The following PABPC1L variants were observed in gnomAD, a reference collection of about 807,000 sequenced individuals.
The protein encoded by PABPC1L is polyadenylate-binding protein 1-like.
Under a neutral mutation model 66.6 loss-of-function variants are expected in PABPC1L, and 31 were observed. The observed-to-expected ratio is 0.47, with a 90% CI of 0.35 to 0.63. PABPC1L has a LOEUF of 0.63. Among genes scored for constraint, PABPC1L ranks in the 20% least tolerant of loss-of-function variants. The probability of loss-of-function intolerance (pLI) is 0.00; values close to 1 mark genes in which losing one functional copy is unlikely to be tolerated. For synonymous variants in PABPC1L, 348 were observed against 335.1 expected (o/e 1.04, Z -0.42); for missense variants, 722 against 848.8 (o/e 0.85, Z 1.86).
At chr20:44,935,602 T>A in intron 11 of PABPC1L, 105 bp downstream of exon 11, 1 of 873,226 alleles carries the variant, frequency 1.1e-6, no homozygotes, top group Non-Finnish European at 1.8e-6. Flanking sequence ...TCTTGGCTTG[T>A]AAAGTTTCGT....
chr20:44,912,997 G>A (rs902322036), intron 2 of PABPC1L, 144 bp downstream of exon 2: 6 of 677,026 alleles, frequency 8.9e-6, no homozygotes, highest in East Asian at 5.5e-5. Flanking sequence ...AATGACAGCC[G>A]TTCTTTCAGT....
At chr20:44,933,019 A>G (rs12031) in intron 9 of PABPC1L, 38 bp from the exon 10 acceptor site, 130,788 of 1,427,512 alleles carry the variant, frequency 0.092, 6,460 homozygotes, top group East Asian at 0.14. Flanking sequence ...CCACCACTCC[A>G]TCCAACTTTT....
chr20:44,910,416 T>A, intron 1 of PABPC1L, 80 bp downstream of exon 1: 1 of 1,390,696 alleles, frequency 7.2e-7, no homozygotes, highest in Non-Finnish European at 9.4e-7. Flanking sequence ...CTGGGCCGCT[T>A]GCGCTTTCAT....
intron 10 of PABPC1L, among the ~76,000 whole-genome samples, chr20:44,933,872 C>T (rs1372241398): frequency 6.7e-6 from 1 of 150,322 alleles, no homozygotes; most frequent in Non-Finnish European, 1.5e-5. Flanking sequence ...CTGCCTCAGC[C>T]TCCTGAGTAG....
Position 44,932,287 on chromosome 20 carries a change from T to C in PABPC1L, c.1240-55T>C, listed in dbSNP as rs533943420. ...CATGGTGTCCCTGAGGAGGTGTAGC[T>C]TCTCACCTACCCTGCCGCCAAGCCC... On this transcript the variant is annotated intron_variant, in intron 8 of 14. Transcript: ENST00000217073. 1.9e-5 allele frequency: 28 copies of C among 1,451,492 alleles called. No homozygotes were observed. The South Asian group carries it at 2.6e-4, about 14-fold the overall frequency. The allele number at this position is 1,451,492 out of a possible 1,614,324, so 89.9% of individuals were successfully genotyped here.
At chr20:44,913,823 A>G (rs2066720661) in intron 2 of PABPC1L, among the ~76,000 whole-genome samples, 1 of 152,230 alleles carries the variant, frequency 6.6e-6, no homozygotes, top group African/African-American at 2.4e-5. Flanking sequence ...TGGGGCCATC[A>G]AGGCAATTAA....
At position 44,918,864 on chromosome 20, in the gene PABPC1L, G is replaced by C. The variant is rs772081945; in HGVS notation, c.504-42G>C. 6.3e-5 allele frequency: 97 copies of C among 1,531,040 alleles called. 1 individual carries two copies. The East Asian group carries it at 2.2e-3, about 34-fold the overall frequency. The allele number at this position is 1,531,040 out of a possible 1,614,324, so 94.8% of individuals were successfully genotyped here. On this transcript the variant is annotated intron_variant, in intron 3 of 14. Transcript: ENST00000217073. ...GTTGGCATGGGGGTGGCTGATGGCTGGTAGCTGTCCACAGCCATGAGCCAG... is the reference window on the plus strand; with the variant it reads ...GTTGGCATGGGGGTGGCTGATGGCTCGTAGCTGTCCACAGCCATGAGCCAG...
rs2066757738 is a variant in PABPC1L at position 44,919,295 on chromosome 20, G to A, written c.738+18G>A. On this transcript the variant is annotated intron_variant, in intron 5 of 14. Transcript: ENST00000217073. ...CCCAGAAGGTAGGAGCCTCCCCATGGCTCTGTTCTGCAGCAGGGGGACCGA... is the reference window on the plus strand; with the variant it reads ...CCCAGAAGGTAGGAGCCTCCCCATGACTCTGTTCTGCAGCAGGGGGACCGA... 3.1e-6 allele frequency: 5 copies of A among 1,612,946 alleles called. No individual in the cohort carries two copies. Among genetic ancestry groups the A allele is most frequent in the Non-Finnish European group, 4.2e-6 (5 of 1,179,212 alleles).
In PABPC1L at chr20:44,916,887, CGAGGGAGGGGCG is replaced by C; in HGVS notation, c.503+21_503+32del. On this transcript the variant is annotated intron_variant, in intron 3 of 14. Coordinates refer to ENST00000217073, the MANE Select transcript of PABPC1L (RefSeq NM_001372179.1). ...ACCGCAAAGTGTGAGTGGCTGGGCC[CGAGGGAGGGGCG>C]GAGGCTGCAGGGACAGAAGCATGGC... is the stretch of plus-strand genomic sequence containing the variant. 6.2e-7 allele frequency: 1 copy of C among 1,610,882 alleles called. No individual in the cohort carries two copies. The highest frequency in any genetic ancestry group is 8.5e-7 in the Non-Finnish European group (1 of 1,177,314).
intron 8 of PABPC1L, among the ~76,000 whole-genome samples, chr20:44,931,046 T>TCCC (rs1568650023): frequency 2.8e-5 from 1 of 35,218 alleles, no homozygotes. Flanking sequence ...CTTCCCTCCC[T>TCCC]TCCCTTCCCT....
chr20:44,913,898 T>G (rs1485805513), intron 2 of PABPC1L, among the ~76,000 whole-genome samples: 2 of 152,270 alleles, frequency 1.3e-5, no homozygotes, highest in Non-Finnish European at 2.9e-5. Flanking sequence ...GATCTTGTTC[T>G]TAGTCATTAT....
chr20:44,922,232 T>C (rs1195898340), intron 6 of PABPC1L, among the ~76,000 whole-genome samples: 1 of 152,176 alleles, frequency 6.6e-6, no homozygotes, highest in African/African-American at 2.4e-5. Context: ...AGTGAACCCC[T>C]CTAAGATTTT....
At chr20:44,930,862 C>A in intron 8 of PABPC1L, 136 bp downstream of exon 8, 2 of 1,222,534 alleles carry the variant, frequency 1.6e-6, no homozygotes, top group Non-Finnish European at 2.2e-6. Flanking sequence ...TCTTTGTTTC[C>A]CTCTCTATAA....
At position 44,916,879 on chromosome 20, in the gene PABPC1L, G is replaced by T. The variant is rs370345659; in HGVS notation, c.503+8G>T. The T allele has an allele frequency of 6.2e-7, 1 of 1,613,344 alleles. No homozygotes were observed. The highest frequency in any genetic ancestry group is 1.3e-5 in the African/African-American group (1 of 74,920). The stretch of plus-strand genomic sequence containing the variant: ...GCTGAATGACCGCAAAGTGTGAGTG[G>T]CTGGGCCCGAGGGAGGGGCGGAGGC... On this transcript the variant is annotated splice_region_variant and intron_variant, in intron 3 of 14. Coordinates refer to ENST00000217073, the MANE Select transcript of PABPC1L (RefSeq NM_001372179.1).
chr20:44,912,920 C>A, intron 2 of PABPC1L, 67 bp downstream of exon 2: 1 of 1,416,122 alleles, frequency 7.1e-7, no homozygotes, highest in South Asian at 1.3e-5. Context: ...AGAGGGGTGA[C>A]AAGCAACACC....
intron 6 of PABPC1L, among the ~76,000 whole-genome samples, chr20:44,923,882 G>A (rs909067413): frequency 6.6e-6 from 1 of 152,178 alleles, no homozygotes; most frequent in Non-Finnish European, 1.5e-5. Flanking sequence ...GGACATCCTC[G>A]TGGGCCCCAT....
rs1330339341 is a variant in PABPC1L, at chr20:44,933,189, A to G, written c.1459+4A>G. 1 of 1,597,214 alleles carries G rather than the reference A, an allele frequency of 6.3e-7. No individual in the cohort carries two copies. Among genetic ancestry groups the G allele is most frequent in the Non-Finnish European group, 8.5e-7 (1 of 1,172,444 alleles). ...GTGCCTCATACCCAGAGAGTAGGTG[A>G]GTGTGGGTAGGGCCAAGGGGAATGG... On this transcript the variant is annotated splice_donor_region_variant and intron_variant, in intron 10 of 14. Coordinates refer to ENST00000217073, the MANE Select transcript of PABPC1L (RefSeq NM_001372179.1).
At chr20:44,936,578 G>C (rs2066902013) in intron 11 of PABPC1L, 59 bp from the exon 12 acceptor site, 1 of 1,397,602 alleles carries the variant, frequency 7.2e-7, no homozygotes, top group African/African-American at 1.4e-5. Context: ...GCCAGGGTAA[G>C]TATTTTGAGG....
chr20:44,929,896 A>G (rs900627303), intron 7 of PABPC1L, among the ~76,000 whole-genome samples: 2 of 152,172 alleles, frequency 1.3e-5, no homozygotes, highest in African/African-American at 4.8e-5. Flanking sequence ...TTTAACAAAA[A>G]GGCTAAGAAC....
Sources: allele counts gnomAD v4.1 joint callset (sites outside exome capture counted in the v4.1 genomes callset), GRCh38; gene constraint gnomAD v4.1.1; transcripts MANE v1.5; gene names NCBI Gene and HGNC (gene_info 2026-07-23, HGNC 2026-07-21).